The following MKLN1 variants were observed in gnomAD, a reference collection of about 807,000 sequenced individuals.
The protein encoded by MKLN1 is muskelin.
Under a neutral mutation model 99.0 loss-of-function variants are expected in MKLN1, and 18 were observed. That is an observed-to-expected ratio of 0.18 (90% confidence interval 0.13 to 0.27). The LOEUF (loss-of-function observed/expected upper bound fraction) is 0.27. MKLN1 is among the 10% of genes least tolerant of loss of function. MKLN1 has a pLI of 1.00. For missense variants in MKLN1, 621 were observed against 875.9 expected, an observed-to-expected ratio of 0.71 and a Z score of 3.67; for synonymous variants, 288 against 293.2, an observed-to-expected ratio of 0.98 and a Z score of 0.18.
chr7:131,126,309 TG>T (rs1342331918), intron 1 of MKLN1, among the ~76,000 whole-genome samples: 2 of 152,166 alleles, frequency 1.3e-5, no homozygotes, highest in Non-Finnish European at 2.9e-5. Flanking sequence ...CTTTTATTTT[TG>T]CTTATGTTTA....
Position 131,487,703 on chromosome 7 carries a change from A to G in MKLN1, c.2183A>G (p.Asn728Ser). The G allele has an allele frequency of 1.9e-6, 3 of 1,613,028 alleles. No homozygotes were observed. Among genetic ancestry groups the G allele is most frequent in the Non-Finnish European group, 2.5e-6 (3 of 1,179,330 alleles). The change falls in exon 18 of 18, where the codon AAC (asparagine) becomes AGC (serine). Residue 728 changes from asparagine (N) to serine (S), a missense_variant. Transcript: ENST00000352689. The surrounding 1 kb of genome is among the most constrained non-coding windows in gnomAD (Gnocchi z 4.7). The part of the protein sequence containing the change: ...FPDSMTPPKG[N>S]LVDLITL ...GACAGCATGACTCCTCCTAAAGGCA[A>G]CCTGGTAGACCTCATCACACTGTAA...
chr7:131,160,492 AATTATTATTATTATTATTATTATT>A lies in MKLN1; in HGVS notation c.-297+17570_-297+17593del, dbSNP rs60725549. On this transcript the variant is annotated intron_variant, in intron 2 of 7. Coordinates refer to the MKLN1 transcript ENST00000416992. ...TTTAACTTATTTTATTATTATTATT[AATTATTATTATTATTATTATTATT>A]ATTATTATTATTATTATTTTGAGAC... 1.4e-4 allele frequency among the ~76,000 whole-genome samples: 19 copies of A among 138,972 alleles called. 1 individual carries two copies. Among genetic ancestry groups the A allele is most frequent in the Middle Eastern group, 3.6e-3 (1 of 274 alleles). The allele number at this position is 138,972 out of a possible 152,430, so 91.2% of individuals were successfully genotyped here.
chr7:131,421,807 C>T (rs777923658), intron 8 of MKLN1, among the ~76,000 whole-genome samples: 2 of 152,042 alleles, frequency 1.3e-5, no homozygotes, highest in African/African-American at 4.8e-5. Flanking sequence ...ACTTGAAAAG[C>T]AGTGTTGAGG....
At chr7:131,137,508 T>C (rs1478543162) in intron 1 of MKLN1, among the ~76,000 whole-genome samples, 2 of 152,168 alleles carry the variant, frequency 1.3e-5, no homozygotes, top group African/African-American at 4.8e-5. Context: ...TAGGGATTGA[T>C]TGGTTTAATT....
intron 2 of MKLN1, among the ~76,000 whole-genome samples, chr7:131,163,650 A>G (rs753527895): frequency 1.3e-5 from 2 of 152,202 alleles, no homozygotes; most frequent in Non-Finnish European, 2.9e-5. Context: ...ACTGTCAAGG[A>G]GAGAAACCAT....
At chr7:131,250,443 T>C (rs973002844) in intron 3 of MKLN1, among the ~76,000 whole-genome samples, 2 of 152,112 alleles carry the variant, frequency 1.3e-5, no homozygotes, top group Non-Finnish European at 2.9e-5. Context: ...GCCTGGCTTG[T>C]TAAGACTGAA....
At chr7:131,432,394 A>T (rs1795551547) in intron 9 of MKLN1, among the ~76,000 whole-genome samples, 1 of 152,122 alleles carries the variant, frequency 6.6e-6, no homozygotes, top group African/African-American at 2.4e-5. Context: ...TTATTTTAAA[A>T]CTCATGCTGG....
chr7:131,191,223 G>A (rs1418662158), intron 2 of MKLN1, among the ~76,000 whole-genome samples: 2 of 152,244 alleles, frequency 1.3e-5, no homozygotes, highest in Non-Finnish European at 2.9e-5. Flanking sequence ...GATGCTCCAC[G>A]CAAGTCTGGA....
At chr7:131,484,004 TTTTAA>T (rs1292738077) in intron 17 of MKLN1, among the ~76,000 whole-genome samples, 50 of 152,056 alleles carry the variant, frequency 3.3e-4, no homozygotes, top group African/African-American at 1.2e-3. Context: ...GTATGGGCTG[TTTTAA>T]TTTATTATAT....
At chr7:131,467,869 G>A (rs945273240) in intron 15 of MKLN1, among the ~76,000 whole-genome samples, 8 of 152,234 alleles carry the variant, frequency 5.3e-5, no homozygotes, top group African/African-American at 1.9e-4. Context: ...ACGGGTTTAT[G>A]TGTTGGAAAA....
intron 9 of MKLN1, among the ~76,000 whole-genome samples, chr7:131,435,697 TTC>T (rs1795658224): frequency 6.6e-6 from 1 of 152,138 alleles, no homozygotes; most frequent in Non-Finnish European, 1.5e-5. Flanking sequence ...TTTGATAGTA[TTC>T]TCTCTCTTTT....
At chr7:131,434,406 G>A (rs1174225446) in intron 9 of MKLN1, among the ~76,000 whole-genome samples, 1 of 152,116 alleles carries the variant, frequency 6.6e-6, no homozygotes, top group African/African-American at 2.4e-5. Flanking sequence ...GTAATATAGA[G>A]AAATACAATT....
intron 12 of MKLN1, among the ~76,000 whole-genome samples, chr7:131,462,306 A>G (rs1796539189): frequency 6.6e-6 from 1 of 152,160 alleles, no homozygotes; most frequent in Non-Finnish European, 1.5e-5. Context: ...CTGATATTAC[A>G]TGCACGAGCC....
At chr7:131,175,351 G>T (rs1796283509) in intron 2 of MKLN1, among the ~76,000 whole-genome samples, 1 of 152,130 alleles carries the variant, frequency 6.6e-6, no homozygotes, top group South Asian at 2.1e-4. Flanking sequence ...AATAGCTTAA[G>T]CAAAGACAGG....
chr7:131,378,892 T>A (rs557642146), intron 2 of MKLN1, among the ~76,000 whole-genome samples: 1 of 151,984 alleles, frequency 6.6e-6, no homozygotes, highest in East Asian at 1.9e-4. Context: ...CTTTTTTTTT[T>A]TTTTTTTGGA....
chr7:131,459,489 G>C (rs1013699467), intron 12 of MKLN1, among the ~76,000 whole-genome samples: 17 of 152,296 alleles, frequency 1.1e-4, no homozygotes, highest in African/African-American at 3.6e-4. Context: ...GCAGAAGAAG[G>C]TGAGAAAGAA....
intron 3 of MKLN1, among the ~76,000 whole-genome samples, chr7:131,314,824 C>A (rs533809823): frequency 6.6e-6 from 1 of 151,994 alleles, no homozygotes; most frequent in South Asian, 2.1e-4. Context: ...AGCGGGAGTG[C>A]GGTGTGACAT....
rs575351135 is a variant in MKLN1 at position 131,126,809 on chromosome 7, C to A, written c.-418-16011C>A. ...CCTCAGGTGATCCTCCTGCCTTGGC[C>A]TCCCAAAGTGCTGGGATTACAGGCA... is the stretch of plus-strand genomic sequence containing the variant. On this transcript the variant is annotated intron_variant, in intron 1 of 7. Coordinates refer to the MKLN1 transcript ENST00000416992. Among the ~76,000 whole-genome samples the A allele has an allele frequency of 9.1e-4, 139 of 152,322 alleles. 1 individual carries two copies. The highest frequency in any genetic ancestry group is 3.3e-3 in the African/African-American group (136 of 41,600).
chr7:131,404,508 C>T (rs1211802628), intron 6 of MKLN1, among the ~76,000 whole-genome samples: 2 of 152,030 alleles, frequency 1.3e-5, no homozygotes, highest in Non-Finnish European at 2.9e-5. Flanking sequence ...GATGGGGTCT[C>T]GCCATGTTAC....
Sources: gnomAD v4.1 joint callset for allele counts (sites outside exome capture counted in the v4.1 genomes callset) on GRCh38, gnomAD v4.1.1 for gene constraint, Gnocchi (gnomAD v3.1) non-coding constraint, MANE v1.5 for transcripts, NCBI Gene and HGNC (gene_info 2026-07-23, HGNC 2026-07-21) for gene names.